Variants in ZNF503 observed in about 807,000 individuals in gnomAD.
ZNF503 encodes NocA-like zinc finger 2.
In ZNF503, 15 loss-of-function variants were observed where a neutral mutation model predicts 34.4. The observed-to-expected ratio is 0.44, with a 90% CI of 0.29 to 0.67. The LOEUF (loss-of-function observed/expected upper bound fraction) is 0.67. Ranked by LOEUF, ZNF503 falls within the 30% of genes least tolerant of loss-of-function variation. The probability of loss-of-function intolerance (pLI) is 0.13; values close to 1 mark genes in which losing one functional copy is unlikely to be tolerated. For synonymous variants in ZNF503, 580 were observed against 456.8 expected, an observed-to-expected ratio of 1.27 and a Z score of -3.44; for missense variants, 1,007 against 926.8, an observed-to-expected ratio of 1.09 and a Z score of -1.12.
rs555818898 is a variant in ZNF503 at position 75,400,976 on chromosome 10, G to A, written c.315+129C>T. 1.8e-4 allele frequency: 244 copies of A among 1,344,530 alleles called. 5 individuals carry two copies. The South Asian group carries it at 3.0e-3, about 17-fold the overall frequency. 83.3% of individuals were successfully genotyped at this position (1,344,530 alleles called of 1,614,324 possible). ...CTAGTTTTGAGGTACGGAAGCAGTA[G>A]CCTCTTCCCCCATTCGGGAGCTGAA... On this transcript the variant is annotated intron_variant, in intron 1 of 1. Transcript: ENST00000372524.
chr10:75,281,527 G>A, the ZNF503 span, among the ~76,000 whole-genome samples: 1 of 152,162 alleles, frequency 6.6e-6, no homozygotes, highest in Non-Finnish European at 1.5e-5. Flanking sequence ...TTCCTCATGA[G>A]TACCACGACT....
At chr10:75,320,087 T>C in the ZNF503 span, among the ~76,000 whole-genome samples, 1 of 152,196 alleles carries the variant, frequency 6.6e-6, no homozygotes, top group Non-Finnish European at 1.5e-5. Flanking sequence ...TTCATGAGGC[T>C]GGTATTATCC....
the ZNF503 span, among the ~76,000 whole-genome samples, chr10:75,335,437 G>A: frequency 6.6e-6 from 1 of 152,154 alleles, no homozygotes; most frequent in Admixed American, 6.5e-5. Flanking sequence ...AATCTGTGGT[G>A]CTTTTAAAAC....
the ZNF503 span, among the ~76,000 whole-genome samples, chr10:75,385,769 A>T: frequency 6.6e-6 from 1 of 152,200 alleles, no homozygotes; most frequent in Non-Finnish European, 1.5e-5. Context: ...TATTGGTGGC[A>T]CCAATGATTG....
chr10:75,339,179 C>T, the ZNF503 span, among the ~76,000 whole-genome samples: 2 of 152,052 alleles, frequency 1.3e-5, no homozygotes, highest in East Asian at 1.9e-4. Context: ...TGCAGTGAGC[C>T]GAGATCGTGC....
At chr10:75,347,289 A>G in the ZNF503 span, among the ~76,000 whole-genome samples, 4 of 152,206 alleles carry the variant, frequency 2.6e-5, no homozygotes, top group African/African-American at 9.7e-5. Context: ...TCAAGTACAT[A>G]GGAAAACAAT....
the ZNF503 span, among the ~76,000 whole-genome samples, chr10:75,332,176 G>A: frequency 3.0e-4 from 46 of 151,828 alleles, no homozygotes; most frequent in Middle Eastern, 3.4e-3. Flanking sequence ...TTAGTGGCTC[G>A]ATGTTTTTTG....
the ZNF503 span, among the ~76,000 whole-genome samples, chr10:75,343,689 A>C: frequency 6.6e-6 from 1 of 152,198 alleles, no homozygotes; most frequent in Non-Finnish European, 1.5e-5. Flanking sequence ...TGCTATGCTC[A>C]GCCCTCCCTG....
At chr10:75,316,940 T>C in the ZNF503 span, among the ~76,000 whole-genome samples, 2 of 152,064 alleles carry the variant, frequency 1.3e-5, no homozygotes. Context: ...TAAAACATTA[T>C]TTTATATTTT....
At chr10:75,349,588 A>G in the ZNF503 span, among the ~76,000 whole-genome samples, 1 of 152,212 alleles carries the variant, frequency 6.6e-6, no homozygotes, top group African/African-American at 2.4e-5. Context: ...CTTTTCCCAA[A>G]GTCACATAGA....
chr10:75,299,898 A>T, the ZNF503 span, among the ~76,000 whole-genome samples: 1 of 152,248 alleles, frequency 6.6e-6, no homozygotes, highest in African/African-American at 2.4e-5. Context: ...GCAAGATCAC[A>T]GGACCACAGG....
At chr10:75,366,210 G>A in the ZNF503 span, among the ~76,000 whole-genome samples, 1 of 152,186 alleles carries the variant, frequency 6.6e-6, no homozygotes, top group African/African-American at 2.4e-5. Context: ...GAGCTCTTTT[G>A]TATATACCAT....
chr10:75,400,524 C>CT (rs1843784431), intron 1 of ZNF503, 150 bp from the exon 2 acceptor site: 1 of 1,403,378 alleles, frequency 7.1e-7, no homozygotes. Flanking sequence ...GGCACCCCCT[C>CT]TTCAACACCC....
At chr10:75,288,027 C>T in the ZNF503 span, among the ~76,000 whole-genome samples, 1 of 152,182 alleles carries the variant, frequency 6.6e-6, no homozygotes, top group Admixed American at 6.5e-5. Context: ...CATCACTGCC[C>T]TGCAGGTGGA....
the ZNF503 span, among the ~76,000 whole-genome samples, chr10:75,359,905 C>T: frequency 1.3e-5 from 2 of 152,052 alleles, no homozygotes; most frequent in Non-Finnish European, 2.9e-5. Context: ...TTCATTTGCT[C>T]CCGAGGGACA....
chr10:75,380,676 C>T, the ZNF503 span, among the ~76,000 whole-genome samples: 4 of 152,166 alleles, frequency 2.6e-5, no homozygotes, highest in East Asian at 3.9e-4. Context: ...CTCGAGATTC[C>T]GCCTTTGGAA....
rs1057308331 is a variant in ZNF503, at chr10:75,401,427, C to T, written c.-8G>A. On this transcript the variant is annotated 5_prime_UTR_variant, in exon 1 of 2. Coordinates refer to ENST00000372524, the MANE Select transcript of ZNF503 (RefSeq NM_032772.6). ...CGAGGGCGCTGTGCTCATGACCCAC[C>T]CGCGCGCATGGGAGCAGCGGGGGGG... 2.6e-6 allele frequency: 4 copies of T among 1,534,284 alleles called. No homozygotes were observed. Among genetic ancestry groups the T allele is most frequent in the East Asian group, 4.9e-5 (2 of 40,456 alleles).
the ZNF503 span, among the ~76,000 whole-genome samples, chr10:75,346,762 C>T: frequency 6.6e-6 from 1 of 151,818 alleles, no homozygotes; most frequent in African/African-American, 2.4e-5. Context: ...CTTTGAGTAG[C>T]TGAGCCTACA....
chr10:75,388,581 C>G, the ZNF503 span, among the ~76,000 whole-genome samples: 1 of 152,178 alleles, frequency 6.6e-6, no homozygotes, highest in Non-Finnish European at 1.5e-5. Context: ...ATAACAAATC[C>G]CAGCTCTGCT....
Sources: gnomAD v4.1 joint callset for allele counts (sites outside exome capture counted in the v4.1 genomes callset) on GRCh38, gnomAD v4.1.1 for gene constraint, MANE v1.5 for transcripts, NCBI Gene and HGNC (gene_info 2026-07-23, HGNC 2026-07-21) for gene names.